Variants in OSBPL9 observed in about 807,000 individuals in gnomAD.
The protein encoded by OSBPL9 is oxysterol binding protein like 9, also known as oxysterol-binding protein-related protein 9.
In OSBPL9, 40 loss-of-function variants were observed where a neutral mutation model predicts 106.6. The observed-to-expected ratio is 0.38, with a 90% confidence interval of 0.29 to 0.49. The LOEUF is 0.49. Among genes scored for constraint, OSBPL9 ranks in the 20% least tolerant of loss-of-function variants. OSBPL9 has a pLI of 0.97. For missense variants in OSBPL9, 609 were observed against 887.2 expected, an observed-to-expected ratio of 0.69 and a Z score of 3.98; for synonymous variants, 269 against 295.4, an observed-to-expected ratio of 0.91 and a Z score of 0.92.
In OSBPL9 at chr1:51,729,391, G is replaced by A. The variant is rs918789323; in HGVS notation, c.318+15312G>A. ...CCGGTGGGTGTAGGTGAGGCACGCTGGCGCCCGCGGGCCCTTCTCCAGCCG... is the reference window on the plus strand; with the variant it reads ...CCGGTGGGTGTAGGTGAGGCACGCTAGCGCCCGCGGGCCCTTCTCCAGCCG... On this transcript the variant is annotated intron_variant, in intron 4 of 23. Transcript: ENST00000428468. The surrounding 1 kb of genome is among the most constrained non-coding windows in gnomAD (Gnocchi z 5.1). The A allele has an allele frequency of 2.0e-5, 3 of 152,374 alleles. No individual in the cohort carries two copies. The highest frequency in any genetic ancestry group is 4.4e-5 in the Non-Finnish European group (3 of 68,204). The allele number at this position is 152,374 out of a possible 1,614,324, so 9.4% of individuals were successfully genotyped here. A position where few individuals can be genotyped will look rare whatever the true frequency, so the allele number is the denominator to read the frequency against.
upstream of OSBPL9, among the ~76,000 whole-genome samples, chr1:51,574,559 C>T (rs2148596556): frequency 6.6e-6 from 1 of 152,088 alleles, no homozygotes; most frequent in Non-Finnish European, 1.5e-5. Flanking sequence ...GCAGAGGTTG[C>T]AGTGAGCCGA....
rs769185774 is a variant in OSBPL9 at position 51,772,666 on chromosome 1, C to T, written c.1113C>T (p.His371=). Residue 371 remains histidine (H), a synonymous_variant, in exon 14 of 24, where the codon CAC becomes CAT. Coordinates refer to ENST00000428468, the MANE Select transcript of OSBPL9 (RefSeq NM_024586.6). ...DDAEAGSVEE[H]KSVIMHLLSQ... ...CGGAGGCAGGGTCTGTGGAGGAGCA[C>T]AAGAGCGTTATCATGCATCTCTTGT... is the stretch of plus-strand genomic sequence containing the variant. The T allele has an allele frequency of 1.4e-5, 22 of 1,614,056 alleles. No individual in the cohort carries two copies. The highest frequency in any genetic ancestry group is 6.7e-5 in the Admixed American group (4 of 60,006).
intron 3 of OSBPL9, among the ~76,000 whole-genome samples, chr1:51,670,276 A>G (rs931431516): frequency 6.6e-6 from 1 of 152,212 alleles, no homozygotes; most frequent in African/African-American, 2.4e-5. Flanking sequence ...TTGCCTTTCC[A>G]GAGTAATCTC....
chr1:51,781,398 G>T, intron 16 of OSBPL9, 63 bp downstream of exon 16: 1 of 1,467,632 alleles, frequency 6.8e-7, no homozygotes. Context: ...ATTTTATTTA[G>T]GGGCAAATAA....
chr1:51,615,514 G>A (rs1446123685), upstream of OSBPL9, among the ~76,000 whole-genome samples: 1 of 152,180 alleles, frequency 6.6e-6, no homozygotes, highest in Admixed American at 6.5e-5. Context: ...ATCTTATGAA[G>A]GGCTTCACTG....
intron 1 of OSBPL9, among the ~76,000 whole-genome samples, chr1:51,630,809 TATTGA>T (rs1404161621): frequency 6.6e-6 from 1 of 152,250 alleles, no homozygotes; most frequent in Non-Finnish European, 1.5e-5. Flanking sequence ...GACTCCTTCG[TATTGA>T]CACTTGGGTT....
At chr1:51,587,706 G>A (rs750963145) in intron 1 of OSBPL9, among the ~76,000 whole-genome samples, 4 of 152,154 alleles carry the variant, frequency 2.6e-5, no homozygotes, top group Non-Finnish European at 2.9e-5. Flanking sequence ...CCCACCTTGT[G>A]TCATCCAAAC....
At chr1:51,574,618 C>CA (rs971845724), upstream of OSBPL9, among the ~76,000 whole-genome samples, 50 of 144,932 alleles carry the variant, frequency 3.4e-4, no homozygotes, top group Admixed American at 4.8e-4. Context: ...GACTCTGTAT[C>CA]AAAAAAAAAA....
intron 1 of OSBPL9, among the ~76,000 whole-genome samples, chr1:51,640,575 G>T (rs1297562131): frequency 6.6e-6 from 1 of 152,012 alleles, no homozygotes; most frequent in African/African-American, 2.4e-5. Flanking sequence ...TTACAGAACC[G>T]GGGAAAAGGT....
chr1:51,601,169 A>G (rs1186752383), intron 2 of OSBPL9, among the ~76,000 whole-genome samples: 1 of 152,224 alleles, frequency 6.6e-6, no homozygotes, highest in Non-Finnish European at 1.5e-5. Context: ...TTGTACCAGC[A>G]TTGCCCTGTA....
rs148571244 is a variant in OSBPL9, at chr1:51,770,538, A to G, written c.939-1532A>G. Among the ~76,000 whole-genome samples, 24 of 152,300 alleles carry G rather than the reference A, an allele frequency of 1.6e-4. No individual in the cohort carries two copies. The East Asian group carries it at 4.1e-3, about 26-fold the overall frequency. On this transcript the variant is annotated intron_variant, in intron 12 of 23. Transcript: ENST00000428468. ...AGTGATCCTCTTGCCTTGGCCTCCC[A>G]AAGTGTTGGAATTACAGGCGTGAGC...
At chr1:51,525,709 C>T in the OSBPL9 span, among the ~76,000 whole-genome samples, 1 of 152,192 alleles carries the variant, frequency 6.6e-6, no homozygotes, top group East Asian at 1.9e-4. Context: ...GTTTCTTAAC[C>T]AACATCCCTA....
chr1:51,695,097 A>T (rs1655750755), intron 3 of OSBPL9, among the ~76,000 whole-genome samples: 1 of 152,226 alleles, frequency 6.6e-6, no homozygotes, highest in Non-Finnish European at 1.5e-5. Flanking sequence ...TAGCAGAAGT[A>T]CTTTATATGT....
upstream of OSBPL9, among the ~76,000 whole-genome samples, chr1:51,615,555 CCA>C (rs780323653): frequency 2.0e-5 from 3 of 152,094 alleles, no homozygotes; most frequent in Non-Finnish European, 4.4e-5. Context: ...TAGGATGTCC[CCA>C]GTTTTTCCCT....
chr1:51,629,617 C>T lies in OSBPL9; in HGVS notation c.111+12396C>T, dbSNP rs143524642. On this transcript the variant is annotated intron_variant, in intron 1 of 23. Transcript: ENST00000428468. ...CCTTTGGAGGTTCGCTGAAATGCAA[C>T]TGACAAAAGGCAGATTCATAGGAGA... is the stretch of plus-strand genomic sequence containing the variant. Among the ~76,000 whole-genome samples, 764 of 152,230 alleles carry T rather than the reference C, an allele frequency of 5.0e-3. 4 individuals carry two copies. The highest frequency in any genetic ancestry group is 7.4e-3 in the Non-Finnish European group (506 of 68,016).
At chr1:51,629,928 G>A (rs1030993662) in intron 1 of OSBPL9, among the ~76,000 whole-genome samples, 2 of 151,486 alleles carry the variant, frequency 1.3e-5, no homozygotes, top group Admixed American at 6.6e-5. Context: ...CAGCCTGGGC[G>A]ACAGAGCCAT....
In OSBPL9 at chr1:51,788,137, G is replaced by T; in HGVS notation, c.*348G>T. 3.9e-6 allele frequency: 1 copy of T among 254,608 alleles called. No individual in the cohort carries two copies. Among genetic ancestry groups the T allele is most frequent in the Non-Finnish European group, 7.6e-6 (1 of 130,958 alleles). 15.8% of individuals were successfully genotyped at this position (254,608 alleles called of 1,614,324 possible). A position where few individuals can be genotyped will look rare whatever the true frequency, so the allele number is the denominator to read the frequency against. The stretch of plus-strand genomic sequence containing the variant: ...GTTAAGATACACAACTTGTTTCTTA[G>T]TTCATATAATCTCGGGATACACACA... On this transcript the variant is annotated 3_prime_UTR_variant, in exon 24 of 24. Transcript: ENST00000428468.
At chr1:51,565,903 A>G in the OSBPL9 span, 21 of 152,178 alleles carry the variant, frequency 1.4e-4, no homozygotes, top group Non-Finnish European at 4.4e-5. Context: ...CCCTTACTAT[A>G]TTCAGAATCC....
intron 3 of OSBPL9, among the ~76,000 whole-genome samples, chr1:51,684,081 G>A (rs74758506): frequency 0.023 from 3,516 of 152,194 alleles, 80 homozygotes; most frequent in Middle Eastern, 0.088. Flanking sequence ...ATACCTCACT[G>A]TAACCCCCAA....
Sources: gnomAD v4.1 joint callset for allele counts (sites outside exome capture counted in the v4.1 genomes callset) on GRCh38, gnomAD v4.1.1 for gene constraint, Gnocchi (gnomAD v3.1) non-coding constraint, MANE v1.5 for transcripts, NCBI Gene and HGNC (gene_info 2026-07-23, HGNC 2026-07-21) for gene names.